The following PRKG1 variants were observed in gnomAD, a reference collection of about 807,000 sequenced individuals.
The protein encoded by PRKG1 is cGMP-dependent protein kinase 1.
In PRKG1, 35 loss-of-function variants were observed where a neutral mutation model predicts 88.1. The ratio of observed to expected loss-of-function variants is 0.40; its 90% CI spans 0.30 to 0.53. PRKG1 has a LOEUF of 0.53. PRKG1 is among the 20% of genes least tolerant of loss of function. PRKG1 has a pLI of 0.59. For missense variants in PRKG1, 540 were observed against 839.8 expected, an observed-to-expected ratio of 0.64 and a Z score of 4.41; for synonymous variants, 303 against 292.5, an observed-to-expected ratio of 1.04 and a Z score of -0.37.
At chr10:52,076,210 T>C (rs1218475447) in intron 7 of PRKG1, among the ~76,000 whole-genome samples, 1 of 152,142 alleles carries the variant, frequency 6.6e-6, no homozygotes, top group Non-Finnish European at 1.5e-5. Flanking sequence ...AGACAATAAA[T>C]TTTGTGGACT....
At chr10:51,529,007 G>C (rs1564536226) in intron 3 of PRKG1, among the ~76,000 whole-genome samples, 1 of 152,016 alleles carries the variant, frequency 6.6e-6, no homozygotes, top group Admixed American at 6.6e-5. Context: ...TAGCTATCCT[G>C]AACTTTCAAA....
intron 7 of PRKG1, among the ~76,000 whole-genome samples, chr10:52,108,136 A>G (rs182979591): frequency 6.6e-6 from 1 of 152,326 alleles, no homozygotes; most frequent in East Asian, 1.9e-4. Flanking sequence ...TGATATCTCA[A>G]AACTGTTTTG....
At chr10:51,092,557 C>G (rs1400634549) in intron 1 of PRKG1, among the ~76,000 whole-genome samples, 1 of 152,158 alleles carries the variant, frequency 6.6e-6, no homozygotes, top group Non-Finnish European at 1.5e-5. Context: ...TCCCCAGAAG[C>G]CTTTGCTCTG....
chr10:51,284,251 T>C (rs930352965), intron 2 of PRKG1, among the ~76,000 whole-genome samples: 2 of 152,210 alleles, frequency 1.3e-5, no homozygotes, highest in Non-Finnish European at 2.9e-5. Context: ...AAAGACATAT[T>C]TGTGGCTCAT....
intron 4 of PRKG1, among the ~76,000 whole-genome samples, chr10:51,876,668 G>A (rs10999881): frequency 6.6e-6 from 1 of 152,250 alleles, no homozygotes; most frequent in African/African-American, 2.4e-5. Context: ...GAGACTCCCA[G>A]CTGCCAGCAC....
intron 2 of PRKG1, among the ~76,000 whole-genome samples, chr10:51,372,155 T>TG (rs1235926312): frequency 6.6e-6 from 1 of 152,236 alleles, no homozygotes; most frequent in Non-Finnish European, 1.5e-5. Flanking sequence ...CTAATGGAAC[T>TG]GCTAGTGAAT....
chr10:51,445,643 C>A (rs1839252018), intron 2 of PRKG1, among the ~76,000 whole-genome samples: 1 of 151,748 alleles, frequency 6.6e-6, no homozygotes. Context: ...AACAGATGGC[C>A]TATTCATTAA....
chr10:51,782,605 A>G (rs979271210), intron 3 of PRKG1, among the ~76,000 whole-genome samples: 2 of 152,060 alleles, frequency 1.3e-5, no homozygotes, highest in Non-Finnish European at 1.5e-5. Flanking sequence ...GTGCTCCCAT[A>G]ATTCCCATGT....
intron 4 of PRKG1, among the ~76,000 whole-genome samples, chr10:51,849,086 A>T (rs917806977): frequency 1.3e-5 from 2 of 152,146 alleles, no homozygotes; most frequent in Non-Finnish European, 2.9e-5. Flanking sequence ...TATTTCTAAA[A>T]ATATCTATTT....
intron 3 of PRKG1, among the ~76,000 whole-genome samples, chr10:51,480,438 C>T (rs930577534): frequency 2.0e-5 from 3 of 152,128 alleles, no homozygotes; most frequent in Admixed American, 6.6e-5. Context: ...TTGACTTATA[C>T]GTTGGGCTCG....
intron 2 of PRKG1, among the ~76,000 whole-genome samples, chr10:51,198,425 C>A (rs967507078): frequency 1.3e-5 from 2 of 152,136 alleles, no homozygotes; most frequent in Non-Finnish European, 2.9e-5. Flanking sequence ...GAATAAATAT[C>A]CAATGAAATT....
intron 5 of PRKG1, chr10:51,907,789 C>A: frequency 2.4e-6 from 1 of 419,774 alleles, no homozygotes; most frequent in Non-Finnish European, 4.2e-6. Context: ...TAGAGGGAGA[C>A]AAACTTTTTG....
At chr10:52,293,331 A>G (rs1482877975) in intron 17 of PRKG1, among the ~76,000 whole-genome samples, 2 of 151,596 alleles carry the variant, frequency 1.3e-5, no homozygotes, top group Non-Finnish European at 2.9e-5. Flanking sequence ...AAATGGCCAT[A>G]CTGCCCAAGG....
chr10:52,143,626 A>G (rs12248031), intron 8 of PRKG1, among the ~76,000 whole-genome samples: 36,031 of 151,978 alleles, frequency 0.24, 4,533 homozygotes, highest in African/African-American at 0.32. Context: ...ACCTGAGGGG[A>G]AGTCCGCTGG....
intron 2 of PRKG1, among the ~76,000 whole-genome samples, chr10:51,444,536 T>A (rs1839214340): frequency 6.6e-6 from 1 of 151,878 alleles, no homozygotes; most frequent in African/African-American, 2.4e-5. Context: ...ATATAAAGAA[T>A]CTGCCTTTAT....
chr10:51,366,750 C>T (rs1019676278), intron 2 of PRKG1, among the ~76,000 whole-genome samples: 1 of 151,920 alleles, frequency 6.6e-6, no homozygotes, highest in African/African-American at 2.4e-5. Flanking sequence ...ATTTCTCCAG[C>T]ATGTACATGA....
intron 1 of PRKG1, among the ~76,000 whole-genome samples, chr10:51,130,984 A>G (rs1363441476): frequency 6.6e-6 from 1 of 152,218 alleles, no homozygotes; most frequent in African/African-American, 2.4e-5. Flanking sequence ...ATTCTACTCA[A>G]GGAAATAAAG....
At chr10:51,403,789 G>A (rs993003898) in intron 2 of PRKG1, among the ~76,000 whole-genome samples, 24 of 152,192 alleles carry the variant, frequency 1.6e-4, no homozygotes, top group African/African-American at 4.3e-4. Context: ...ACAAACCATC[G>A]AATTTCTTTC....
intron 5 of PRKG1, among the ~76,000 whole-genome samples, chr10:51,942,153 G>T (rs372128238): frequency 6.6e-6 from 1 of 151,716 alleles, no homozygotes; most frequent in African/African-American, 2.4e-5. Flanking sequence ...TCTAACTGGT[G>T]TGAGATGGTA....
Sources: gnomAD v4.1 joint callset for allele counts (sites outside exome capture counted in the v4.1 genomes callset) on GRCh38, gnomAD v4.1.1 for gene constraint, MANE v1.5 for transcripts, NCBI Gene and HGNC (gene_info 2026-07-23, HGNC 2026-07-21) for gene names.